CWC27: variants seen among roughly 807,000 people sequenced by gnomAD.
CWC27 encodes CWC27 spliceosome associated cyclophilin, also known as spliceosome-associated protein CWC27 homolog.
CWC27 carries 47 observed loss-of-function variants against 63.6 expected under a neutral mutation model. The ratio of observed to expected loss-of-function variants is 0.74; its 90% confidence interval spans 0.58 to 0.94. CWC27 has a LOEUF of 0.94. CWC27 is among the 40% of genes least tolerant of loss of function. The pLI, the probability that CWC27 is intolerant of heterozygous loss-of-function variation, is 0.00. For missense variants in CWC27, 495 were observed against 554.3 expected (o/e 0.89, Z 1.07); for synonymous variants, 175 against 179.8 (o/e 0.97, Z 0.22).
chr5:64,854,155 G>A (rs1314077912), intron 10 of CWC27, among the ~76,000 whole-genome samples: 3 of 152,140 alleles, frequency 2.0e-5, no homozygotes, highest in Admixed American at 2.0e-4. Flanking sequence ...TTTAAGGCTG[G>A]ATAACATTCC....
chr5:64,922,931 G>A (rs1308507006), intron 11 of CWC27, among the ~76,000 whole-genome samples: 2 of 152,182 alleles, frequency 1.3e-5, no homozygotes, highest in East Asian at 1.9e-4. Flanking sequence ...CTAACCCTGG[G>A]TGGCTGGGAC....
chr5:64,776,520 A>G (rs1193719191), intron 2 of CWC27, among the ~76,000 whole-genome samples: 2 of 152,152 alleles, frequency 1.3e-5, no homozygotes, highest in African/African-American at 4.8e-5. Flanking sequence ...AAGAAAGAAT[A>G]GAAAAATAAT....
At chr5:64,986,223 C>T (rs1749423882) in intron 13 of CWC27, among the ~76,000 whole-genome samples, 1 of 152,140 alleles carries the variant, frequency 6.6e-6, no homozygotes, top group Non-Finnish European at 1.5e-5. Flanking sequence ...AAAAAGCAAA[C>T]ACTGGATTGT....
At chr5:64,801,225 C>T in intron 8 of CWC27, 77 bp from the exon 9 acceptor site, 2 of 1,252,938 alleles carry the variant, frequency 1.6e-6, no homozygotes, top group Non-Finnish European at 2.2e-6. Context: ...GCAAACTATT[C>T]TAGATTTTTG....
At chr5:64,792,867 A>G (rs1003619980) in intron 7 of CWC27, among the ~76,000 whole-genome samples, 3 of 152,084 alleles carry the variant, frequency 2.0e-5, no homozygotes, top group Admixed American at 6.6e-5. Context: ...CTGAGCCTCA[A>G]TTTTCCTTTC....
chr5:64,959,685 A>G (rs1748866669), intron 11 of CWC27, among the ~76,000 whole-genome samples: 1 of 152,214 alleles, frequency 6.6e-6, no homozygotes, highest in African/African-American at 2.4e-5. Context: ...TTGAAAAAGT[A>G]TTTGTATGCT....
chr5:64,899,530 A>G lies in CWC27; in HGVS notation c.1042+13984A>G, dbSNP rs976910807. On this transcript the variant is annotated intron_variant, in intron 11 of 13. Transcript: ENST00000381070. Reference sequence around the variant, plus strand: ...ATGAATCTATGACAACACGAAGAGCACAGATGCACATTTAAATAATGGGCA... The same window carrying G: ...ATGAATCTATGACAACACGAAGAGCGCAGATGCACATTTAAATAATGGGCA... Among the ~76,000 whole-genome samples the G allele has an allele frequency of 7.9e-5, 12 of 152,360 alleles. No individual in the cohort carries two copies. In the South Asian group the frequency reaches 1.7e-3, roughly 21 times the overall value.
intron 7 of CWC27, among the ~76,000 whole-genome samples, chr5:64,790,137 A>T (rs1387623293): frequency 6.6e-6 from 1 of 152,062 alleles, no homozygotes; most frequent in South Asian, 2.1e-4. Flanking sequence ...TGAGTGATGT[A>T]TTTGATGCCA....
chr5:64,978,852 G>A lies in CWC27; in HGVS notation c.1256+1614G>A, dbSNP rs1176161962. ...ATAAGTTTTTTTAACCTTTTTATAA[G>A]CCATTTAAGTCCTTTTTTATTGAAC... On this transcript the variant is annotated intron_variant, in intron 13 of 13. Transcript: ENST00000381070. Among the ~76,000 whole-genome samples the A allele has an allele frequency of 6.6e-5, 10 of 152,094 alleles. No homozygotes were observed. The East Asian group carries it at 1.9e-3, about 29-fold the overall frequency.
At position 64,885,407 on chromosome 5, in the gene CWC27, A is replaced by G. The variant is rs748424331; in HGVS notation, c.939-36A>G. 4.2e-6 allele frequency: 6 copies of G among 1,413,804 alleles called. No homozygotes were observed. In the East Asian group the frequency reaches 7.4e-5, roughly 17 times the overall value. The allele number at this position is 1,413,804 out of a possible 1,614,324, so 87.6% of individuals were successfully genotyped here. A position where few individuals can be genotyped will look rare whatever the true frequency, so the allele number is the denominator to read the frequency against. On this transcript the variant is annotated intron_variant, in intron 10 of 13. Coordinates refer to ENST00000381070, the MANE Select transcript of CWC27 (RefSeq NM_005869.4). ...TTGCTAAACAACTTTTACTCTCAAT[A>G]TATTATATACTTATATAACTCTTTT...
intron 10 of CWC27, among the ~76,000 whole-genome samples, chr5:64,805,532 C>T (rs1234029999): frequency 6.6e-6 from 1 of 151,504 alleles, no homozygotes; most frequent in Non-Finnish European, 1.5e-5. Flanking sequence ...TCATTCAAGG[C>T]ATGTGTTTTC....
intron 9 of CWC27, 31 bp from the exon 10 acceptor site, chr5:64,804,198 C>T (rs756040365): frequency 3.2e-6 from 5 of 1,551,796 alleles, no homozygotes; most frequent in Non-Finnish European, 4.4e-6. Context: ...AAATTGAGCA[C>T]CTGGCAAATA....
At chr5:64,916,554 A>T (rs942996813) in intron 11 of CWC27, among the ~76,000 whole-genome samples, 1 of 152,176 alleles carries the variant, frequency 6.6e-6, no homozygotes, top group Admixed American at 6.6e-5. Context: ...CAGAGCCTTC[A>T]GTGCAGAAAC....
Position 64,875,645 on chromosome 5 carries a change from A to T in CWC27, c.939-9798A>T, listed in dbSNP as rs531094046. Reference sequence around the variant, plus strand: ...GAATTTTGTAATTTTTAGTTTTTTTAAAACTGTTACATTTCTCACTTGCAT... The same window carrying T: ...GAATTTTGTAATTTTTAGTTTTTTTTAAACTGTTACATTTCTCACTTGCAT... On this transcript the variant is annotated intron_variant, in intron 10 of 13. Coordinates refer to ENST00000381070, the MANE Select transcript of CWC27 (RefSeq NM_005869.4). Among the ~76,000 whole-genome samples, 9 of 152,264 alleles carry T rather than the reference A, an allele frequency of 5.9e-5. No individual in the cohort carries two copies. In the South Asian group the frequency reaches 1.0e-3, roughly 18 times the overall value.
chr5:64,997,777 T>C (rs1749663297), intron 13 of CWC27, among the ~76,000 whole-genome samples: 1 of 152,094 alleles, frequency 6.6e-6, no homozygotes, highest in South Asian at 2.1e-4. Flanking sequence ...GTAAATAGAA[T>C]TTAAATATAA....
At chr5:64,803,291 CCTT>C (rs1273224629) in intron 9 of CWC27, among the ~76,000 whole-genome samples, 3 of 152,098 alleles carry the variant, frequency 2.0e-5, no homozygotes, top group Admixed American at 1.3e-4. Context: ...GTTATTTCTT[CCTT>C]CTTCTCTCCC....
At chr5:64,957,374 G>A (rs992940807) in intron 11 of CWC27, among the ~76,000 whole-genome samples, 1 of 152,068 alleles carries the variant, frequency 6.6e-6, no homozygotes, top group South Asian at 2.1e-4. Context: ...TTTCAAAATG[G>A]CCATCGAGCT....
chr5:64,920,103 T>A (rs1460370651), intron 11 of CWC27, among the ~76,000 whole-genome samples: 1 of 152,126 alleles, frequency 6.6e-6, no homozygotes, highest in East Asian at 1.9e-4. Context: ...GTAGCTGGGA[T>A]TACAGGCACC....
chr5:64,786,669 C>A, intron 6 of CWC27, 42 bp downstream of exon 6: 1 of 1,182,420 alleles, frequency 8.5e-7, no homozygotes, highest in Non-Finnish European at 1.2e-6. Flanking sequence ...TGAAAAATGA[C>A]ACTCATTCAT....
Sources: gnomAD v4.1 joint callset for allele counts (sites outside exome capture counted in the v4.1 genomes callset) on GRCh38, gnomAD v4.1.1 for gene constraint, MANE v1.5 for transcripts, NCBI Gene and HGNC (gene_info 2026-07-23, HGNC 2026-07-21) for gene names.